NRG1: variants seen among roughly 807,000 people sequenced by gnomAD.
The protein encoded by NRG1 is neuregulin 1.
Under a neutral mutation model 63.8 loss-of-function variants are expected in NRG1, and 18 were observed. That is an observed-to-expected ratio of 0.28 (90% CI 0.19 to 0.42). The LOEUF (loss-of-function observed/expected upper bound fraction) is 0.42, where lower values mean the gene tolerates loss of function less well. Ranked by LOEUF, NRG1 falls within the 10% of genes least tolerant of loss-of-function variation. NRG1 has a pLI of 1.00. For missense variants in NRG1, 762 were observed against 814.7 expected (o/e 0.94, Z 0.79); for synonymous variants, 302 against 301.3 (o/e 1.00, Z -0.02).
intron 1 of NRG1, among the ~76,000 whole-genome samples, chr8:32,463,495 C>T (rs1435358611): frequency 6.6e-6 from 1 of 152,102 alleles, no homozygotes; most frequent in African/African-American, 2.4e-5. Flanking sequence ...GTCAGTGTAA[C>T]TTTAAATCCA....
rs570238726 is a variant in NRG1 at position 32,699,315 on chromosome 8, C to T, written c.503-28634C>T. Among the ~76,000 whole-genome samples the T allele has an allele frequency of 5.9e-5, 9 of 152,204 alleles. No individual in the cohort carries two copies. The South Asian group carries it at 6.2e-4, about 11-fold the overall frequency. On this transcript the variant is annotated intron_variant, in intron 5 of 11. Coordinates refer to ENST00000356819, the Ensembl canonical transcript of NRG1. ...CTACTTCCTCCTGTTCTGTAGTTGA[C>T]GGTGATTGAGGGGCTTGGTATGGCT...
chr8:32,359,167 G>C (rs891254081), intron 1 of NRG1, among the ~76,000 whole-genome samples: 1 of 152,064 alleles, frequency 6.6e-6, no homozygotes. Context: ...GTAAAATGGC[G>C]TAATGATACT....
intron 1 of NRG1, among the ~76,000 whole-genome samples, chr8:32,293,746 G>A (rs1224034815): frequency 2.0e-5 from 2 of 97,562 alleles, no homozygotes; most frequent in Non-Finnish European, 3.9e-5. Context: ...TTGAGATGGA[G>A]TTTCACTCTG....
At chr8:31,654,746 T>C (rs1295231333) in intron 1 of NRG1, among the ~76,000 whole-genome samples, 1 of 152,182 alleles carries the variant, frequency 6.6e-6, no homozygotes, top group Non-Finnish European at 1.5e-5. Context: ...GAGACCAGCT[T>C]GGGAAACATA....
intron 1 of NRG1, among the ~76,000 whole-genome samples, chr8:32,355,976 C>T (rs988139124): frequency 3.3e-5 from 5 of 151,972 alleles, no homozygotes; most frequent in East Asian, 1.9e-4. Context: ...TGTGTGTGTG[C>T]GTGTGTATAA....
chr8:31,744,642 C>A (rs780795686), intron 1 of NRG1, among the ~76,000 whole-genome samples: 3 of 151,936 alleles, frequency 2.0e-5, no homozygotes, highest in Non-Finnish European at 4.4e-5. Context: ...TTACATAGAA[C>A]CTTCCAAGCC....
intron 1 of NRG1, among the ~76,000 whole-genome samples, chr8:32,416,257 G>T (rs993068329): frequency 6.6e-6 from 1 of 152,112 alleles, no homozygotes; most frequent in East Asian, 1.9e-4. Context: ...CCCTGGCAAA[G>T]TTGGTAATTG....
chr8:31,664,775 A>C (rs1248758665), intron 1 of NRG1, among the ~76,000 whole-genome samples: 1 of 152,222 alleles, frequency 6.6e-6, no homozygotes, highest in Admixed American at 6.5e-5. Flanking sequence ...AACAAGCTAC[A>C]GTTAACTGGT....
chr8:32,747,955 T>C (rs1827788977), intron 7 of NRG1, among the ~76,000 whole-genome samples: 1 of 151,972 alleles, frequency 6.6e-6, no homozygotes, highest in African/African-American at 2.4e-5. Context: ...ACGTCTCCTT[T>C]ACTCCCCAGG....
At chr8:32,381,091 C>G (rs964567235) in intron 1 of NRG1, among the ~76,000 whole-genome samples, 2 of 152,126 alleles carry the variant, frequency 1.3e-5, no homozygotes, top group African/African-American at 4.8e-5. Context: ...TTCTTTCACC[C>G]AAGTTAAAGT....
In NRG1 at chr8:31,983,330, G is replaced by T. The variant is rs16878605; in HGVS notation, c.37+343899G>T. 6.1e-3 allele frequency among the ~76,000 whole-genome samples: 935 copies of T among 152,138 alleles called. 9 individuals are homozygous for T. The highest frequency in any genetic ancestry group is 0.021 in the African/African-American group (882 of 41,526). ...ACATAACTAGTAGCATGGTAAAAGTGCAGTCCATGAAATTAAATTCCTGAT... is the reference window on the plus strand; with the variant it reads ...ACATAACTAGTAGCATGGTAAAAGTTCAGTCCATGAAATTAAATTCCTGAT... On this transcript the variant is annotated intron_variant, in intron 1 of 10. Transcript: ENST00000519301.
At chr8:32,412,387 TTCTCTCTCTCTCC>T (rs1815090056) in intron 1 of NRG1, among the ~76,000 whole-genome samples, 2 of 113,620 alleles carry the variant, frequency 1.8e-5, no homozygotes, top group African/African-American at 3.2e-5. Flanking sequence ...TTCTCTTTCT[TTCTCTCTCTCTCC>T]TCTCTCTCTC....
At position 31,737,291 on chromosome 8, in the gene NRG1, G is replaced by A. The variant is rs1814778288; in HGVS notation, c.37+97860G>A. On this transcript the variant is annotated intron_variant, in intron 1 of 10. Coordinates refer to the NRG1 transcript ENST00000519301. ...AGGATTTTTCCCCAAATCCAAGACT[G>A]TGTTATGTGGCCCTTGTTATCTGAT... is the stretch of plus-strand genomic sequence containing the variant. Among the ~76,000 whole-genome samples, 3 of 152,124 alleles carry A rather than the reference G, an allele frequency of 2.0e-5. No homozygotes were observed. The South Asian group carries it at 6.2e-4, about 32-fold the overall frequency.
chr8:32,555,274 C>G (rs545173467), intron 1 of NRG1, among the ~76,000 whole-genome samples: 1 of 152,148 alleles, frequency 6.6e-6, no homozygotes, highest in Non-Finnish European at 1.5e-5. Flanking sequence ...AAGAGTTTCA[C>G]TCTGGCATTG....
chr8:31,690,656 T>C (rs1410838662), intron 1 of NRG1, among the ~76,000 whole-genome samples: 1 of 152,178 alleles, frequency 6.6e-6, no homozygotes, highest in Non-Finnish European at 1.5e-5. Context: ...GGATGCGCTA[T>C]ACTTGGAAGA....
chr8:31,996,714 CAAAGA>C (rs757579811), intron 1 of NRG1, among the ~76,000 whole-genome samples: 23 of 151,752 alleles, frequency 1.5e-4, no homozygotes, highest in Non-Finnish European at 2.2e-4. Flanking sequence ...ACCCTGTCTT[CAAAGA>C]AAAGAAAAGA....
rs557081608 is a variant in NRG1 at position 31,644,083 on chromosome 8, T to C, written c.37+4652T>C. ...TTAATAAAGTGTGCTAACCTTATGGTGTTTTGAAAATGAAAGAAAATGCTG... is the reference window on the plus strand; with the variant it reads ...TTAATAAAGTGTGCTAACCTTATGGCGTTTTGAAAATGAAAGAAAATGCTG... On this transcript the variant is annotated intron_variant, in intron 1 of 10. Coordinates refer to the NRG1 transcript ENST00000519301. Among the ~76,000 whole-genome samples the C allele has an allele frequency of 3.3e-5, 5 of 152,342 alleles. No individual in the cohort carries two copies. The East Asian group carries it at 7.7e-4, about 24-fold the overall frequency.
chr8:31,814,422 T>C (rs1823235913), intron 1 of NRG1, among the ~76,000 whole-genome samples: 3 of 152,210 alleles, frequency 2.0e-5, no homozygotes, highest in Non-Finnish European at 2.9e-5. Context: ...ATAGGGTGAC[T>C]TGAAACCACT....
At chr8:32,316,268 G>A (rs1857377240) in intron 1 of NRG1, among the ~76,000 whole-genome samples, 1 of 152,140 alleles carries the variant, frequency 6.6e-6, no homozygotes, top group Non-Finnish European at 1.5e-5. Flanking sequence ...AGGAAGTCCA[G>A]AGATCAAGAC....
Sources: gnomAD v4.1 joint callset for allele counts (sites outside exome capture counted in the v4.1 genomes callset) on GRCh38, gnomAD v4.1.1 for gene constraint, MANE v1.5 for transcripts, NCBI Gene and HGNC (gene_info 2026-07-23, HGNC 2026-07-21) for gene names.